THSD7B: variants seen among roughly 807,000 people sequenced by gnomAD.
THSD7B encodes the protein thrombospondin type 1 domain containing 7B.
THSD7B carries 138 observed loss-of-function variants against 213.6 expected under a neutral mutation model. That is an observed-to-expected ratio of 0.65 (90% CI 0.56 to 0.74). THSD7B has a LOEUF of 0.74. Ranked by LOEUF, THSD7B falls within the 30% of genes least tolerant of loss-of-function variation. THSD7B has a pLI of 0.00. For missense variants in THSD7B, 1,931 were observed against 1,991.5 expected (o/e 0.97, Z 0.58); for synonymous variants, 742 against 687.0 (o/e 1.08, Z -1.25).
intron 1 of THSD7B, among the ~76,000 whole-genome samples, chr2:136,844,490 G>GAGAGAGAGAGAGAC (rs895586400): frequency 3.2e-4 from 48 of 149,468 alleles, no homozygotes; most frequent in African/African-American, 1.1e-3. Flanking sequence ...GAGAGAGAGA[G>GAGAGAGAGAGAGAC]AGAGACAGAG....
At chr2:136,969,664 T>G (rs1573740592) in intron 2 of THSD7B, among the ~76,000 whole-genome samples, 1 of 152,328 alleles carries the variant, frequency 6.6e-6, no homozygotes, top group East Asian at 1.9e-4. Flanking sequence ...TCTAAGCCCT[T>G]GTTTGTTGCC....
At chr2:137,637,283 A>T (rs116398760) in intron 20 of THSD7B, among the ~76,000 whole-genome samples, 3,910 of 152,110 alleles carry the variant, frequency 0.026, 168 homozygotes, top group African/African-American at 0.088. Context: ...ATGTTATTAG[A>T]TTTTTTTTAT....
At chr2:137,284,416 C>G (rs565554988) in intron 12 of THSD7B, among the ~76,000 whole-genome samples, 3 of 152,022 alleles carry the variant, frequency 2.0e-5, no homozygotes, top group East Asian at 1.9e-4. Flanking sequence ...CTGCTCTGAT[C>G]TTAGTTATTT....
chr2:137,635,458 GAA>G (rs2104855949), intron 20 of THSD7B, among the ~76,000 whole-genome samples: 1 of 152,286 alleles, frequency 6.6e-6, no homozygotes, highest in East Asian at 1.9e-4. Context: ...ATTACTCTGA[GAA>G]CAGAAAGAGT....
intron 5 of THSD7B, among the ~76,000 whole-genome samples, chr2:137,120,898 CAT>C (rs1369071377): frequency 2.0e-5 from 3 of 152,154 alleles, no homozygotes; most frequent in African/African-American, 7.2e-5. Context: ...CAGAGGCAAA[CAT>C]AGACTTTATA....
At chr2:137,404,603 A>C (rs1292967442) in intron 12 of THSD7B, among the ~76,000 whole-genome samples, 1 of 149,864 alleles carries the variant, frequency 6.7e-6, no homozygotes, top group African/African-American at 2.5e-5. Context: ...ATACACACAC[A>C]TACTATATAT....
Position 137,450,871 on chromosome 2 carries a change from C to G in THSD7B, c.2986C>G (p.Pro996Ala). ...TTACATTCAAGAAAAATGTGTCATT[C>G]CCTGCCCATTTGATTGCAAGTTAAG... ...SGYIQEKCVI[P>A]CPFDCKLSDW... The change falls in exon 15 of 28, where the codon CCC (proline) becomes GCC (alanine). Residue 996 changes from proline (P) to alanine (A), a missense_variant. Transcript: ENST00000409968. 6.2e-7 allele frequency: 1 copy of G among 1,608,968 alleles called. No individual in the cohort carries two copies. Among genetic ancestry groups the G allele is most frequent in the Non-Finnish European group, 8.5e-7 (1 of 1,177,710 alleles).
intron 2 of THSD7B, among the ~76,000 whole-genome samples, chr2:136,964,147 C>T (rs531747195): frequency 7.2e-5 from 11 of 152,164 alleles, no homozygotes; most frequent in Non-Finnish European, 1.3e-4. Flanking sequence ...TAGTAAATTC[C>T]GTTTTTCATG....
chr2:137,314,984 G>A (rs1475372310), intron 12 of THSD7B, among the ~76,000 whole-genome samples: 1 of 152,222 alleles, frequency 6.6e-6, no homozygotes, highest in African/African-American at 2.4e-5. Context: ...TGCCCCCAGA[G>A]GTGGAGCCTA....
At chr2:137,478,090 A>G (rs756594456) in intron 15 of THSD7B, among the ~76,000 whole-genome samples, 6 of 151,906 alleles carry the variant, frequency 3.9e-5, no homozygotes, top group Non-Finnish European at 7.4e-5. Context: ...AATTATATCT[A>G]TTTGGCATCT....
At chr2:137,538,268 C>T (rs781073028) in intron 15 of THSD7B, among the ~76,000 whole-genome samples, 1 of 151,632 alleles carries the variant, frequency 6.6e-6, no homozygotes, top group Non-Finnish European at 1.5e-5. Context: ...TCTATTTCCA[C>T]ACAATCATAT....
intron 2 of THSD7B, among the ~76,000 whole-genome samples, chr2:136,933,152 C>CTTCCTTCT (rs1553458990): frequency 7.6e-5 from 7 of 91,876 alleles, no homozygotes; most frequent in African/African-American, 2.1e-4. Context: ...TCCTTCCTTC[C>CTTCCTTCT]TTCCTTCCTT....
chr2:137,227,679 T>G (rs1367958544), intron 7 of THSD7B, among the ~76,000 whole-genome samples: 2 of 152,182 alleles, frequency 1.3e-5, no homozygotes, highest in Non-Finnish European at 2.9e-5. Context: ...TATTTTTGGC[T>G]CTTAGATGGT....
At chr2:137,027,409 A>C (rs1284586126) in intron 2 of THSD7B, among the ~76,000 whole-genome samples, 2 of 152,294 alleles carry the variant, frequency 1.3e-5, no homozygotes, top group African/African-American at 2.4e-5. Flanking sequence ...AAGGAGAAAA[A>C]GAAGATCGAA....
intron 9 of THSD7B, among the ~76,000 whole-genome samples, chr2:137,236,621 A>G (rs1327444467): frequency 6.6e-6 from 1 of 152,204 alleles, no homozygotes; most frequent in Non-Finnish European, 1.5e-5. Flanking sequence ...TGTGAAAACA[A>G]CTGGCATTTT....
chr2:136,960,903 T>A (rs781302621), intron 2 of THSD7B, among the ~76,000 whole-genome samples: 1 of 151,580 alleles, frequency 6.6e-6, no homozygotes, highest in South Asian at 2.1e-4. Flanking sequence ...TCCTGGCTAA[T>A]ACGGTGAAAC....
intron 16 of THSD7B, among the ~76,000 whole-genome samples, chr2:137,564,284 C>T (rs779040021): frequency 6.6e-6 from 1 of 152,100 alleles, no homozygotes; most frequent in African/African-American, 2.4e-5. Flanking sequence ...ATCTGTGAAA[C>T]GTACTTTATT....
At chr2:137,358,056 C>T (rs972579669) in intron 12 of THSD7B, among the ~76,000 whole-genome samples, 2 of 152,106 alleles carry the variant, frequency 1.3e-5, no homozygotes, top group African/African-American at 2.4e-5. Context: ...TTTCTCTTTT[C>T]TTTCCTTTCC....
chr2:136,952,441 T>TC (rs1381559283), intron 2 of THSD7B, among the ~76,000 whole-genome samples: 1 of 150,964 alleles, frequency 6.6e-6, no homozygotes, highest in East Asian at 1.9e-4. Context: ...AAACTTTTTT[T>TC]TTTTTTTTTT....
Sources: gnomAD v4.1 joint callset for allele counts (sites outside exome capture counted in the v4.1 genomes callset) on GRCh38, gnomAD v4.1.1 for gene constraint, MANE v1.5 for transcripts, NCBI Gene and HGNC (gene_info 2026-07-23, HGNC 2026-07-21) for gene names.